CASK: variants seen among roughly 807,000 people sequenced by gnomAD.
CASK encodes peripheral plasma membrane protein CASK.
Under a neutral mutation model 82.9 loss-of-function variants are expected in CASK, and 4 were observed. The observed-to-expected ratio is 0.05, with a 90% CI of 0.02 to 0.11. The LOEUF (loss-of-function observed/expected upper bound fraction) is 0.11, where lower values mean the gene tolerates loss of function less well. Ranked by LOEUF, CASK falls within the 10% of genes least tolerant of loss-of-function variation. CASK has a pLI of 1.00. For synonymous variants in CASK, 259 were observed against 253.5 expected, an observed-to-expected ratio of 1.02 and a Z score of -0.20; for missense variants, 358 against 720.9, an observed-to-expected ratio of 0.50 and a Z score of 5.76.
chrX:41,738,615 A>G (rs418385), intron 5 of CASK, among the ~76,000 whole-genome samples: 18,105 of 111,538 alleles, frequency 0.16, 1,429 homozygotes, highest in Middle Eastern at 0.29. Context: ...TTAATAATAT[A>G]TCTTGAGGGA....
chrX:41,657,323 G>A (rs2066956860), intron 8 of CASK, among the ~76,000 whole-genome samples: 1 of 111,937 alleles, frequency 8.9e-6, no homozygotes, highest in African/African-American at 3.2e-5. Flanking sequence ...AATTATATCA[G>A]GTGTCTGAAA....
At chrX:41,684,600 G>A (rs913876844) in intron 5 of CASK, among the ~76,000 whole-genome samples, 3 of 111,354 alleles carry the variant, frequency 2.7e-5, no homozygotes, top group African/African-American at 9.8e-5. Flanking sequence ...GAGTTCAAGC[G>A]ATTCTCGTGC....
At chrX:41,572,299 A>G (rs1251728748) in intron 15 of CASK, among the ~76,000 whole-genome samples, 1 of 110,996 alleles carries the variant, frequency 9.0e-6, no homozygotes, top group Non-Finnish European at 1.9e-5. Flanking sequence ...TGCATGTTTT[A>G]CAAGCAGAAC....
chrX:41,872,191 C>T (rs1388519636), intron 1 of CASK, among the ~76,000 whole-genome samples: 2 of 112,583 alleles, frequency 1.8e-5, no homozygotes, highest in African/African-American at 3.2e-5. Flanking sequence ...AAATATTTAC[C>T]GTCTGGCACT....
At chrX:41,846,299 A>G (rs1347966294) in intron 2 of CASK, among the ~76,000 whole-genome samples, 1 of 111,255 alleles carries the variant, frequency 9.0e-6, no homozygotes, top group Non-Finnish European at 1.9e-5. Flanking sequence ...GGAGGTCATT[A>G]TGTTAAATGA....
At chrX:41,847,211 C>T (rs911435801) in intron 2 of CASK, among the ~76,000 whole-genome samples, 4 of 111,678 alleles carry the variant, frequency 3.6e-5, no homozygotes, top group Non-Finnish European at 7.5e-5. Flanking sequence ...CCTTTCTCTC[C>T]ATTCCTTTTG....
At chrX:41,612,043 T>C (rs2066067026) in intron 11 of CASK, among the ~76,000 whole-genome samples, 2 of 112,109 alleles carry the variant, frequency 1.8e-5, no homozygotes, top group African/African-American at 6.5e-5. Flanking sequence ...TGATCTCGGC[T>C]CGCTACAACC....
intron 15 of CASK, among the ~76,000 whole-genome samples, chrX:41,571,918 T>A (rs2065417421): frequency 8.9e-6 from 1 of 111,762 alleles, no homozygotes. Context: ...CATGGGTTAC[T>A]TAGAATTGTG....
At chrX:41,689,208 C>T (rs770156627) in intron 5 of CASK, 7 of 112,039 alleles carry the variant, frequency 6.2e-5, no homozygotes, top group Non-Finnish European at 1.1e-4. Context: ...AGCAGTTATT[C>T]GCTTTTAGAA....
chrX:41,891,042 C>T (rs2072159167), intron 1 of CASK, among the ~76,000 whole-genome samples: 1 of 108,525 alleles, frequency 9.2e-6, no homozygotes, highest in African/African-American at 3.4e-5. Flanking sequence ...TGCGTGCCAC[C>T]ACACCCAGCT....
At chrX:41,915,017 T>A (rs1474369196) in intron 1 of CASK, among the ~76,000 whole-genome samples, 1 of 111,892 alleles carries the variant, frequency 8.9e-6, no homozygotes, top group Non-Finnish European at 1.9e-5. Flanking sequence ...TAGCCACATG[T>A]GTTCTTAGTC....
intron 8 of CASK, among the ~76,000 whole-genome samples, chrX:41,648,230 A>G (rs1284130776): frequency 9.0e-6 from 1 of 111,250 alleles, no homozygotes; most frequent in Admixed American, 9.6e-5. Flanking sequence ...GATAGACTCC[A>G]GTCTCCCATA....
intron 12 of CASK, among the ~76,000 whole-genome samples, chrX:41,603,179 A>G (rs1346522970): frequency 8.9e-6 from 1 of 112,513 alleles, no homozygotes; most frequent in Non-Finnish European, 1.9e-5. Context: ...TGGGAAACTT[A>G]GCTTTGGCAT....
At chrX:41,832,563 C>T (rs970620419) in intron 2 of CASK, among the ~76,000 whole-genome samples, 2 of 112,379 alleles carry the variant, frequency 1.8e-5, no homozygotes, top group East Asian at 5.5e-4. Flanking sequence ...CATATACAGT[C>T]GATCTTCATT....
chrX:41,618,134 G>A (rs1490569127), intron 11 of CASK, among the ~76,000 whole-genome samples: 2 of 112,361 alleles, frequency 1.8e-5, no homozygotes, highest in Non-Finnish European at 3.8e-5. Context: ...AACAAAGTAT[G>A]AGAAAGACTT....
At chrX:41,789,249 C>T (rs1208099930) in intron 2 of CASK, among the ~76,000 whole-genome samples, 3 of 111,843 alleles carry the variant, frequency 2.7e-5, no homozygotes, top group East Asian at 5.6e-4. Flanking sequence ...CTTTGTCCTA[C>T]CATCTGCAAG....
intron 15 of CASK, among the ~76,000 whole-genome samples, chrX:41,571,286 A>AGG (rs1272319421): frequency 8.9e-6 from 1 of 111,939 alleles, no homozygotes; most frequent in East Asian, 2.8e-4. Flanking sequence ...CAGTGAAGCC[A>AGG]TCTTGACCTG....
intron 5 of CASK, among the ~76,000 whole-genome samples, chrX:41,715,539 T>A (rs1464436712): frequency 4.6e-5 from 5 of 109,547 alleles, no homozygotes; most frequent in Non-Finnish European, 9.5e-5. Context: ...AGAGAATCAC[T>A]TGAACTCAGG....
chrX:41,861,990 A>G (rs1182308675), intron 1 of CASK, among the ~76,000 whole-genome samples: 8 of 105,451 alleles, frequency 7.6e-5, no homozygotes, highest in Admixed American at 1.1e-4. Flanking sequence ...ATACATATAT[A>G]CATTATGTAT....
Sources: allele counts gnomAD v4.1 joint callset (sites outside exome capture counted in the v4.1 genomes callset), GRCh38; gene constraint gnomAD v4.1.1; transcripts MANE v1.5; gene names NCBI Gene and HGNC (gene_info 2026-07-23, HGNC 2026-07-21).